NTRK2: variants seen among roughly 807,000 people sequenced by gnomAD.
The protein encoded by NTRK2 is BDNF/NT-3 growth factors receptor.
In NTRK2, 13 loss-of-function variants were observed where a neutral mutation model predicts 94.5. The observed-to-expected ratio is 0.14, with a 90% CI of 0.09 to 0.22. The LOEUF is 0.22. NTRK2 is among the 10% of genes least tolerant of loss of function. The pLI, the probability that NTRK2 is intolerant of heterozygous loss-of-function variation, is 1.00. For synonymous variants in NTRK2, 372 were observed against 407.4 expected (o/e 0.91, Z 1.05); for missense variants, 639 against 1,071.2 (o/e 0.60, Z 5.63).
At chr9:84,935,565 A>C (rs1383205930) in intron 15 of NTRK2, among the ~76,000 whole-genome samples, 1 of 152,146 alleles carries the variant, frequency 6.6e-6, no homozygotes, top group Non-Finnish European at 1.5e-5. Context: ...AGGAATGATA[A>C]ATGTAAACAT....
intron 12 of NTRK2, among the ~76,000 whole-genome samples, chr9:84,758,618 C>T (rs757905468): frequency 1.2e-4 from 19 of 152,024 alleles, no homozygotes; most frequent in African/African-American, 1.7e-4. Flanking sequence ...CTCAAACTCC[C>T]GACCTCAGGT....
At chr9:84,706,815 C>T (rs1383831387) in intron 4 of NTRK2, among the ~76,000 whole-genome samples, 6 of 152,088 alleles carry the variant, frequency 3.9e-5, no homozygotes, top group Non-Finnish European at 8.8e-5. Flanking sequence ...CAGGCGTGAG[C>T]CACCGCACCT....
intron 12 of NTRK2, among the ~76,000 whole-genome samples, chr9:84,818,886 C>T (rs560706685): frequency 6.6e-6 from 1 of 152,350 alleles, no homozygotes; most frequent in African/African-American, 2.4e-5. Flanking sequence ...TGTTCCTTGC[C>T]TTTCGAACAC....
At chr9:84,721,158 A>G (rs1411070442) in intron 6 of NTRK2, among the ~76,000 whole-genome samples, 1 of 147,208 alleles carries the variant, frequency 6.8e-6, no homozygotes, top group Non-Finnish European at 1.5e-5. Flanking sequence ...AGGCTTGCAT[A>G]CTCATAATAC....
intron 12 of NTRK2, among the ~76,000 whole-genome samples, chr9:84,833,743 C>T (rs183310127): frequency 3.4e-4 from 51 of 152,224 alleles, no homozygotes; most frequent in African/African-American, 1.2e-3. Context: ...ACATATAAAT[C>T]TTTGGAGCTT....
chr9:84,823,004 C>T (rs2072949183), intron 12 of NTRK2, among the ~76,000 whole-genome samples: 1 of 152,156 alleles, frequency 6.6e-6, no homozygotes, highest in Non-Finnish European at 1.5e-5. Context: ...CCTGGCTGAA[C>T]ATCTGGGTTG....
chr9:84,813,571 A>G (rs2072049531), intron 12 of NTRK2: 2 of 1,065,474 alleles, frequency 1.9e-6, no homozygotes, highest in South Asian at 4.5e-5. Flanking sequence ...CAGCCCAGTT[A>G]TCTGCAACAT....
chr9:84,981,349 A>C (rs1827588012), intron 17 of NTRK2, among the ~76,000 whole-genome samples: 1 of 151,550 alleles, frequency 6.6e-6, no homozygotes, highest in South Asian at 2.1e-4. Context: ...TGGTCCACCC[A>C]CCTCGGCTTC....
chr9:84,812,528 G>T lies in NTRK2; in HGVS notation c.1397-48512G>T, dbSNP rs998771753. 15 of 1,046,810 alleles carry T rather than the reference G, an allele frequency of 1.4e-5. No homozygotes were observed. In the South Asian group the frequency reaches 5.0e-4, roughly 35 times the overall value. 64.8% of individuals were successfully genotyped at this position (1,046,810 alleles called of 1,614,324 possible). A position where few individuals can be genotyped will look rare whatever the true frequency, so the allele number is the denominator to read the frequency against. On this transcript the variant is annotated intron_variant, in intron 12 of 18. Transcript: ENST00000277120. ...CAGTTTCTGTCATTACTTAGATTCC[G>T]ATCTTTCCCAAAGGTGTTGATTTAC...
chr9:84,791,425 C>T (rs1195845116), intron 12 of NTRK2, among the ~76,000 whole-genome samples: 1 of 151,994 alleles, frequency 6.6e-6, no homozygotes, highest in African/African-American at 2.4e-5. Context: ...CTAAAGCAAG[C>T]CTTGGTTCCA....
intron 4 of NTRK2, among the ~76,000 whole-genome samples, chr9:84,707,354 C>T (rs2061169844): frequency 6.6e-6 from 1 of 151,918 alleles, no homozygotes. Context: ...TTTTTTTTAT[C>T]AATAAAATGT....
intron 15 of NTRK2, among the ~76,000 whole-genome samples, chr9:84,945,504 T>C (rs2078569923): frequency 6.6e-6 from 1 of 152,092 alleles, no homozygotes; most frequent in Non-Finnish European, 1.5e-5. Context: ...ATCTCCTCCA[T>C]CTCCTCCATA....
intron 17 of NTRK2, among the ~76,000 whole-genome samples, chr9:84,959,812 AC>A (rs1210380700): frequency 6.6e-6 from 1 of 152,128 alleles, no homozygotes; most frequent in East Asian, 1.9e-4. Context: ...CCTGTTGGAG[AC>A]CTAGGGTCTC....
rs1832850876 is a variant in NTRK2 at position 85,022,845 on chromosome 9, G to A, written c.*1408G>A. 8.6e-6 allele frequency: 2 copies of A among 233,108 alleles called. No homozygotes were observed. The highest frequency in any genetic ancestry group is 8.5e-6 in the Non-Finnish European group (1 of 118,098). The allele number at this position is 233,108 out of a possible 1,614,324, so 14.4% of individuals were successfully genotyped here. On this transcript the variant is annotated 3_prime_UTR_variant, in exon 19 of 19. Transcript: ENST00000277120. ...AAGCCTGGAAATCCTCATCCACGTC[G>A]AACCCACAGGACTGTGGGAAGGGCA...
intron 12 of NTRK2, among the ~76,000 whole-genome samples, chr9:84,787,023 C>T (rs539992915): frequency 4.6e-5 from 7 of 152,132 alleles, no homozygotes; most frequent in South Asian, 2.1e-4. Context: ...GTCAGGTGGG[C>T]GCGGTGGCTC....
At chr9:84,908,117 G>A (rs1159129958) in intron 14 of NTRK2, among the ~76,000 whole-genome samples, 1 of 152,188 alleles carries the variant, frequency 6.6e-6, no homozygotes, top group Non-Finnish European at 1.5e-5. Flanking sequence ...ACAAAAACAA[G>A]CTCCCTCTAG....
At chr9:84,815,248 C>T in intron 12 of NTRK2, 2 of 1,055,160 alleles carry the variant, frequency 1.9e-6, no homozygotes, top group Non-Finnish European at 2.3e-6. Context: ...CATGAGTGAG[C>T]ACCCAGAATG....
rs71847053 is a variant in NTRK2, at chr9:84,882,697, A to AGTGTGT, written c.1633+15284_1633+15289dup. Among the ~76,000 whole-genome samples the AGTGTGT allele has an allele frequency of 6.8e-3, 1,012 of 149,802 alleles. 18 individuals carry two copies. Among genetic ancestry groups the AGTGTGT allele is most frequent in the East Asian group, 0.064 (324 of 5,078 alleles). ...TTCACTGTGTCATCTCTTTTGTTCT[A>AGTGTGT]GTGTGTGTGTGTGTGTGTGTGTGCG... On this transcript the variant is annotated intron_variant, in intron 14 of 18. Coordinates refer to ENST00000277120, the MANE Select transcript of NTRK2 (RefSeq NM_006180.6).
In NTRK2 at chr9:84,870,331, G is replaced by GTGTGTATA. The variant is rs1349303529; in HGVS notation, c.1633+2901_1633+2902insGTGTATAT. On this transcript the variant is annotated intron_variant, in intron 14 of 18. Coordinates refer to ENST00000277120, the MANE Select transcript of NTRK2 (RefSeq NM_006180.6). ...ATACATATATGTGGGGTGTGTGTGT[G>GTGTGTATA]TATATATATATATATATATATATAT... 2.0e-3 allele frequency among the ~76,000 whole-genome samples: 62 copies of GTGTGTATA among 31,170 alleles called. 3 individuals carry two copies. Among genetic ancestry groups the GTGTGTATA allele is most frequent in the Non-Finnish European group, 2.8e-3 (42 of 14,744 alleles). The allele number at this position is 31,170 out of a possible 152,430, so 20.4% of individuals were successfully genotyped here. A position where few individuals can be genotyped will look rare whatever the true frequency, so the allele number is the denominator to read the frequency against.
Sources: allele counts gnomAD v4.1 joint callset (sites outside exome capture counted in the v4.1 genomes callset), GRCh38; gene constraint gnomAD v4.1.1; transcripts MANE v1.5; gene names NCBI Gene and HGNC (gene_info 2026-07-23, HGNC 2026-07-21).